Variants in PIGV observed in about 807,000 individuals in gnomAD.
PIGV encodes the protein phosphatidylinositol glycan anchor biosynthesis class V.
A neutral mutation model predicts 39.2 loss-of-function variants in PIGV; 27 were observed. The observed-to-expected ratio is 0.69, with a 90% CI of 0.51 to 0.95. The LOEUF (loss-of-function observed/expected upper bound fraction) is 0.95. Among genes scored for constraint, PIGV ranks in the 40% least tolerant of loss-of-function variants. The pLI is 0.00. For synonymous variants in PIGV, 232 were observed against 241.7 expected, an observed-to-expected ratio of 0.96 and a Z score of 0.37; for missense variants, 523 against 586.4, an observed-to-expected ratio of 0.89 and a Z score of 1.12.
chr1:26,798,497 G>A lies in PIGV; in HGVS notation c.*653G>A, dbSNP rs1451105326. The A allele has an allele frequency of 6.5e-6, 1 of 153,240 alleles. No individual in the cohort carries two copies. The highest frequency in any genetic ancestry group is 1.9e-4 in the East Asian group (1 of 5,218). 9.5% of individuals were successfully genotyped at this position (153,240 alleles called of 1,614,324 possible). A position where few individuals can be genotyped will look rare whatever the true frequency, so the allele number is the denominator to read the frequency against. On this transcript the variant is annotated 3_prime_UTR_variant, in exon 4 of 4. Coordinates refer to ENST00000674202, the MANE Select transcript of PIGV (RefSeq NM_017837.4). ...ATGCCGAGGTGGGCAGATCACTTGAGGCCAGGAGTTTGAGACCGGCCTGGC... is the reference window on the plus strand; with the variant it reads ...ATGCCGAGGTGGGCAGATCACTTGAAGCCAGGAGTTTGAGACCGGCCTGGC...
chr1:26,789,389 C>T (rs1360786288), intron 1 of PIGV, among the ~76,000 whole-genome samples: 1 of 152,198 alleles, frequency 6.6e-6, no homozygotes, highest in Non-Finnish European at 1.5e-5. Context: ...CAACTTGGCT[C>T]CCTTTCTGGG....
chr1:26,794,454 G>A lies in PIGV; in HGVS notation c.420G>A (p.Leu140=). 6.2e-7 allele frequency: 1 copy of A among 1,614,214 alleles called. No individual in the cohort carries two copies. Among genetic ancestry groups the A allele is most frequent in the African/African-American group, 1.3e-5 (1 of 75,060 alleles). Reference sequence around the variant, plus strand: ...TTGCACTTCATGACCTGGGTTGTCTGGTTTTGCACTGTCCCCACCAGTCCT... The same window carrying A: ...TTGCACTTCATGACCTGGGTTGTCTAGTTTTGCACTGTCCCCACCAGTCCT... The part of the protein sequence containing the change: ...AAVALHDLGC[L]VLHCPHQSFY... Residue 140 remains leucine, a synonymous_variant, in exon 3 of 4, where the codon CTG becomes CTA. Transcript: ENST00000674202.
chr1:26,793,698 C>T (rs2081341013), intron 2 of PIGV, among the ~76,000 whole-genome samples: 1 of 152,150 alleles, frequency 6.6e-6, no homozygotes, highest in Admixed American at 6.5e-5. Flanking sequence ...ACCTCCTGGG[C>T]TCAAGCAATC....
chr1:26,789,868 T>C (rs2081288583), intron 1 of PIGV, among the ~76,000 whole-genome samples: 1 of 152,254 alleles, frequency 6.6e-6, no homozygotes, highest in Admixed American at 6.5e-5. Flanking sequence ...GCTTTTGCTT[T>C]CCTTTCAAAT....
In PIGV at chr1:26,798,706, C is replaced by CA. The variant is rs2124211701; in HGVS notation, c.*869dup. Among the ~76,000 whole-genome samples, 1 of 151,796 alleles carries CA rather than the reference C, an allele frequency of 6.6e-6. No homozygotes were observed. The highest frequency in any genetic ancestry group is 2.4e-5 in the African/African-American group (1 of 41,394). ...TGGGCAACAGAGTGAGGCTCTGTCT[C>CA]AAAAAAAGTAAAAAATAAAAATAAT... On this transcript the variant is annotated 3_prime_UTR_variant, in exon 4 of 4. Transcript: ENST00000674202.
At chr1:26,797,061 G>A (rs754538283) in intron 3 of PIGV, among the ~76,000 whole-genome samples, 57 of 152,194 alleles carry the variant, frequency 3.7e-4, no homozygotes, top group East Asian at 1.9e-4. Flanking sequence ...AGATTAAATC[G>A]TAGAATGTGT....
At chr1:26,795,518 G>C (rs182886586) in intron 3 of PIGV, among the ~76,000 whole-genome samples, 1 of 151,796 alleles carries the variant, frequency 6.6e-6, no homozygotes, top group Non-Finnish European at 1.5e-5. Flanking sequence ...CAAGACCAGC[G>C]TGGCCAAGAT....
intron 3 of PIGV, among the ~76,000 whole-genome samples, chr1:26,796,931 T>C (rs1429871927): frequency 2.0e-5 from 3 of 152,242 alleles, no homozygotes; most frequent in Admixed American, 6.5e-5. Flanking sequence ...TTTTTCCCCA[T>C]GCCGACCTCT....
At position 26,797,968 on chromosome 1, in the gene PIGV, C is replaced by A; in HGVS notation, c.*124C>A. ...TGTGTCCATTATAATCTTTCTCTTT[C>A]TCTTTGAAAGCTGGTCAGGAATGGG... On this transcript the variant is annotated 3_prime_UTR_variant, in exon 4 of 4. Coordinates refer to ENST00000674202, the MANE Select transcript of PIGV (RefSeq NM_017837.4). The A allele has an allele frequency of 1.1e-6, 1 of 924,648 alleles. No homozygotes were observed. The highest frequency in any genetic ancestry group is 1.7e-6 in the Non-Finnish European group (1 of 577,842). 57.3% of individuals were successfully genotyped at this position (924,648 alleles called of 1,614,324 possible).
chr1:26,790,640 GAAGTTAGGTGGTTGGTT>G, intron 1 of PIGV, 102 bp from the exon 2 acceptor site: 1 of 633,246 alleles, frequency 1.6e-6, no homozygotes, highest in Non-Finnish European at 2.9e-6. Context: ...CCTCATCTGG[GAAGTTAGGTGGTTGGTT>G]AAGTTTGTCA....
At position 26,794,767 on chromosome 1, in the gene PIGV, G is replaced by A. The variant is rs753463896; in HGVS notation, c.733G>A (p.Val245Met). ...FKLMASLFLS[V>M]FTLGLPFALF... ...GCTGATGGCCTCTCTGTTTCTGTCG[G>A]TGTTCACACTTGGCCTTCCCTTTGC... is the stretch of plus-strand genomic sequence containing the variant. Residue 245 changes from valine to methionine, a missense_variant, in exon 3 of 4, where the codon GTG becomes ATG. Val to Met is a conservative substitution (Grantham distance 21). Coordinates refer to ENST00000674202, the MANE Select transcript of PIGV (RefSeq NM_017837.4). 1 of 1,614,112 alleles carries A rather than the reference G, an allele frequency of 6.2e-7. No homozygotes were observed. The highest frequency in any genetic ancestry group is 8.5e-7 in the Non-Finnish European group (1 of 1,180,014).
At chr1:26,796,865 T>G (rs1570648347) in intron 3 of PIGV, among the ~76,000 whole-genome samples, 1 of 152,130 alleles carries the variant, frequency 6.6e-6, no homozygotes, top group Non-Finnish European at 1.5e-5. Flanking sequence ...ATGGGAAAGG[T>G]TTGATCTTAT....
chr1:26,789,856 A>G (rs567505240), intron 1 of PIGV, among the ~76,000 whole-genome samples: 3 of 152,178 alleles, frequency 2.0e-5, no homozygotes, highest in African/African-American at 7.2e-5. Flanking sequence ...GCTGCCTCTG[A>G]TGCTTTTGCT....
chr1:26,798,252 C>CCTG lies in PIGV; in HGVS notation c.*408_*409insCTG. On this transcript the variant is annotated 3_prime_UTR_variant, in exon 4 of 4. Coordinates refer to ENST00000674202, the MANE Select transcript of PIGV (RefSeq NM_017837.4). ...ACAGTCCACACAAGATGGTATAGGC[C>CCTG]TGAACAGTGTAGTGGCAGTAATAAA... 1 of 222,540 alleles carries CCTG rather than the reference C, an allele frequency of 4.5e-6. No individual in the cohort carries two copies. Among genetic ancestry groups the CCTG allele is most frequent in the Non-Finnish European group, 9.1e-6 (1 of 110,356 alleles). 13.8% of individuals were successfully genotyped at this position (222,540 alleles called of 1,614,324 possible).
chr1:26,790,815 G>T lies in PIGV; in HGVS notation c.-1G>T. On this transcript the variant is annotated 5_prime_UTR_variant, in exon 2 of 4. Coordinates refer to ENST00000674202, the MANE Select transcript of PIGV (RefSeq NM_017837.4). The stretch of plus-strand genomic sequence containing the variant: ...ACCCCTGAATTCCTGGTGGTGAAAG[G>T]ATGTGGCCCCAGGACCCATCCCGGA... 1 of 1,613,770 alleles carries T rather than the reference G, an allele frequency of 6.2e-7. No individual in the cohort carries two copies. Among genetic ancestry groups the T allele is most frequent in the Non-Finnish European group, 8.5e-7 (1 of 1,179,662 alleles).
chr1:26,788,497 C>T (rs967822856), intron 1 of PIGV: 1 of 152,410 alleles, frequency 6.6e-6, no homozygotes, highest in Admixed American at 6.5e-5. Context: ...TAGGGCCCAA[C>T]TACCCTAAGC....
chr1:26,790,846 G>T lies in PIGV; in HGVS notation c.31G>T (p.Val11Leu). 1 of 1,614,142 alleles carries T rather than the reference G, an allele frequency of 6.2e-7. No individual in the cohort carries two copies. Among genetic ancestry groups the T allele is most frequent in the East Asian group, 2.2e-5 (1 of 44,882 alleles). The change falls in exon 2 of 4, where the codon GTG (valine) becomes TTG (leucine). Residue 11 changes from valine (V) to leucine (L), a missense_variant. Val to Leu is a conservative substitution (Grantham distance 32, BLOSUM62 1). Coordinates refer to ENST00000674202, the MANE Select transcript of PIGV (RefSeq NM_017837.4). The part of the protein sequence containing the change: MWPQDPSRKE[V>L]LRFAVSCRIL... ...GCCCCAGGACCCATCCCGGAAGGAG[G>T]TGCTGAGGTTTGCAGTCAGCTGCCG...
At position 26,799,552 on chromosome 1, in the gene PIGV, A is replaced by G. The variant is rs1244934463; in HGVS notation, c.*1708A>G. Among the ~76,000 whole-genome samples, 1 of 152,174 alleles carries G rather than the reference A, an allele frequency of 6.6e-6. No individual in the cohort carries two copies. The highest frequency in any genetic ancestry group is 2.4e-5 in the African/African-American group (1 of 41,452). ...CTTCTGGAAAGCCTCAAGAATTGGAATTTTGACACACTCCCTCTGACCATG... is the reference window on the plus strand; with the variant it reads ...CTTCTGGAAAGCCTCAAGAATTGGAGTTTTGACACACTCCCTCTGACCATG... On this transcript the variant is annotated 3_prime_UTR_variant, in exon 4 of 4. Transcript: ENST00000674202.
At chr1:26,795,939 A>G (rs1205944717) in intron 3 of PIGV, among the ~76,000 whole-genome samples, 1 of 150,648 alleles carries the variant, frequency 6.6e-6, no homozygotes, top group Admixed American at 6.6e-5. Flanking sequence ...GCTCACTGCA[A>G]CCTGTGTCTC....
Sources: gnomAD v4.1 joint callset for allele counts (sites outside exome capture counted in the v4.1 genomes callset) on GRCh38, gnomAD v4.1.1 for gene constraint, MANE v1.5 for transcripts, NCBI Gene and HGNC (gene_info 2026-07-23, HGNC 2026-07-21) for gene names.